Variants in BAIAP2L1 observed in about 807,000 individuals in gnomAD.
The protein encoded by BAIAP2L1 is BAR/IMD domain containing adaptor protein 2 like 1.
A neutral mutation model predicts 66.3 loss-of-function variants in BAIAP2L1; 35 were observed. That is an observed-to-expected ratio of 0.53 (90% CI 0.40 to 0.70). The LOEUF is 0.70. Among genes scored for constraint, BAIAP2L1 ranks in the 30% least tolerant of loss-of-function variants. The pLI is 0.00. For synonymous variants in BAIAP2L1, 269 were observed against 248.7 expected, an observed-to-expected ratio of 1.08 and a Z score of -0.77; for missense variants, 622 against 656.9, an observed-to-expected ratio of 0.95 and a Z score of 0.58.
At chr7:98,333,972 T>G (rs1801556835) in intron 3 of BAIAP2L1, among the ~76,000 whole-genome samples, 1 of 152,230 alleles carries the variant, frequency 6.6e-6, no homozygotes, top group Admixed American at 6.5e-5. Context: ...TTGAGTTTGA[T>G]GTTTATTAGG....
chr7:98,375,472 A>C (rs866810248), intron 1 of BAIAP2L1, among the ~76,000 whole-genome samples: 1 of 151,256 alleles, frequency 6.6e-6, no homozygotes, highest in Non-Finnish European at 1.5e-5. Context: ...ACAGTTGGCC[A>C]GGCGCAGTGG....
chr7:98,343,666 T>A (rs2115645885), intron 3 of BAIAP2L1, among the ~76,000 whole-genome samples: 1 of 152,280 alleles, frequency 6.6e-6, no homozygotes, highest in Admixed American at 6.5e-5. Flanking sequence ...AGTAAAGAAG[T>A]GCTTTTTCTT....
chr7:98,315,640 T>TAATAAG, intron 6 of BAIAP2L1, 28 bp from the exon 7 acceptor site: 3 of 1,082,058 alleles, frequency 2.8e-6, no homozygotes, highest in Non-Finnish European at 3.6e-6. Flanking sequence ...ATAATAATAA[T>TAATAAG]AATTATATAA....
chr7:98,300,327 G>C (rs1275342714), intron 12 of BAIAP2L1, among the ~76,000 whole-genome samples: 2 of 152,184 alleles, frequency 1.3e-5, no homozygotes, highest in African/African-American at 4.8e-5. Flanking sequence ...TCCCACAGCT[G>C]CGCTCCCGGA....
At chr7:98,311,622 T>C (rs920448758) in intron 8 of BAIAP2L1, among the ~76,000 whole-genome samples, 1 of 149,420 alleles carries the variant, frequency 6.7e-6, no homozygotes, top group Admixed American at 6.7e-5. Flanking sequence ...GTATAAAACA[T>C]GTGCCCAACT....
At chr7:98,371,907 G>A (rs1258139491) in intron 1 of BAIAP2L1, among the ~76,000 whole-genome samples, 4 of 151,476 alleles carry the variant, frequency 2.6e-5, no homozygotes, top group South Asian at 2.1e-4. Flanking sequence ...CCGTTCTCCT[G>A]CCTCAGCCTC....
At chr7:98,326,087 G>A (rs1383064484) in intron 3 of BAIAP2L1, among the ~76,000 whole-genome samples, 10 of 152,172 alleles carry the variant, frequency 6.6e-5, no homozygotes, top group Admixed American at 6.5e-4. Flanking sequence ...CCAGGGGATG[G>A]GCCACACAGT....
Position 98,371,665 on chromosome 7 carries a change from G to A in BAIAP2L1, c.52-9233C>T, listed in dbSNP as rs575025190. Among the ~76,000 whole-genome samples, 4 of 152,176 alleles carry A rather than the reference G, an allele frequency of 2.6e-5. No homozygotes were observed. The South Asian group carries it at 8.3e-4, about 32-fold the overall frequency. ...GGACTTTTTATAACTCATTTTCAAA[G>A]AATTACCAGTATGGAACTATACATA... On this transcript the variant is annotated intron_variant, in intron 1 of 13. Transcript: ENST00000005260.
At chr7:98,393,066 T>A (rs1232485144) in intron 1 of BAIAP2L1, among the ~76,000 whole-genome samples, 1 of 82,820 alleles carries the variant, frequency 1.2e-5, no homozygotes, top group Non-Finnish European at 2.6e-5. Context: ...TATGTACACA[T>A]ATATGTATAC....
intron 12 of BAIAP2L1, among the ~76,000 whole-genome samples, chr7:98,302,014 G>A (rs995408702): frequency 1.1e-4 from 16 of 152,138 alleles, no homozygotes; most frequent in Non-Finnish European, 1.9e-4. Context: ...GTGGGAAGCC[G>A]GTAAGAGGCG....
At chr7:98,314,702 T>C (rs756433714) in intron 7 of BAIAP2L1, among the ~76,000 whole-genome samples, 8 of 151,830 alleles carry the variant, frequency 5.3e-5, no homozygotes, top group Non-Finnish European at 8.8e-5. Context: ...TGGGGGCCCG[T>C]GGGCTGGGGC....
chr7:98,348,293 G>T (rs1016378100), intron 3 of BAIAP2L1, among the ~76,000 whole-genome samples: 6 of 151,990 alleles, frequency 3.9e-5, no homozygotes, highest in African/African-American at 1.2e-4. Context: ...CTGGCCAGGC[G>T]CAGTGGCTCA....
At chr7:98,347,280 T>C (rs1801893072) in intron 3 of BAIAP2L1, among the ~76,000 whole-genome samples, 1 of 152,170 alleles carries the variant, frequency 6.6e-6, no homozygotes, top group African/African-American at 2.4e-5. Flanking sequence ...AATATTAGTT[T>C]TACTATTTTT....
rs1394732996 is a variant in BAIAP2L1 at position 98,292,783 on chromosome 7, C to T, written c.*738G>A. On this transcript the variant is annotated 3_prime_UTR_variant, in exon 14 of 14. Transcript: ENST00000005260. ...ACTAGCTGAGTGAGAACACAAGGAG[C>T]CGTGACTCCGACGCCCAGGCCTGTG... 5.8e-6 allele frequency: 9 copies of T among 1,544,822 alleles called. No homozygotes were observed. The highest frequency in any genetic ancestry group is 1.4e-5 in the African/African-American group (1 of 72,808).
chr7:98,349,385 G>A (rs1462299752), intron 3 of BAIAP2L1, among the ~76,000 whole-genome samples: 1 of 152,164 alleles, frequency 6.6e-6, no homozygotes, highest in African/African-American at 2.4e-5. Context: ...CGGCACAAGA[G>A]CGGAGCAATA....
intron 9 of BAIAP2L1, 91 bp from the exon 10 acceptor site, chr7:98,307,987 C>T: frequency 8.1e-7 from 1 of 1,230,462 alleles, no homozygotes; most frequent in Non-Finnish European, 1.2e-6. Flanking sequence ...TCCACCTGTT[C>T]TCATCTTGCC....
chr7:98,320,553 C>T (rs1055786542), intron 3 of BAIAP2L1, among the ~76,000 whole-genome samples: 1 of 152,214 alleles, frequency 6.6e-6, no homozygotes, highest in Admixed American at 6.5e-5. Context: ...CCAGGCTGGT[C>T]TTGAACTCCT....
chr7:98,385,526 T>C (rs1802865828), intron 1 of BAIAP2L1, among the ~76,000 whole-genome samples: 1 of 151,728 alleles, frequency 6.6e-6, no homozygotes, highest in South Asian at 2.1e-4. Context: ...ACTCAAGCGA[T>C]TCAGCCTCCA....
At chr7:98,394,065 A>G (rs1429414085) in intron 1 of BAIAP2L1, among the ~76,000 whole-genome samples, 1 of 152,070 alleles carries the variant, frequency 6.6e-6, no homozygotes, top group Non-Finnish European at 1.5e-5. Flanking sequence ...AACACGGTGA[A>G]AACCCATCTC....
Sources: allele counts gnomAD v4.1 joint callset (sites outside exome capture counted in the v4.1 genomes callset), GRCh38; gene constraint gnomAD v4.1.1; transcripts MANE v1.5; gene names NCBI Gene and HGNC (gene_info 2026-07-23, HGNC 2026-07-21).